The following HSPA4 variants were observed in gnomAD, a reference collection of about 807,000 sequenced individuals.
HSPA4 encodes the protein heat shock protein family A (Hsp70) member 4.
Under a neutral mutation model 106.2 loss-of-function variants are expected in HSPA4, and 25 were observed. The ratio of observed to expected loss-of-function variants is 0.24; its 90% CI spans 0.17 to 0.33. The LOEUF is 0.33. Among genes scored for constraint, HSPA4 ranks in the 10% least tolerant of loss-of-function variants. The pLI is 1.00. For missense variants in HSPA4, 841 were observed against 996.0 expected, an observed-to-expected ratio of 0.84 and a Z score of 2.10; for synonymous variants, 332 against 333.6, an observed-to-expected ratio of 1.00 and a Z score of 0.05.
At chr5:133,098,334 C>T (rs183600574) in intron 15 of HSPA4, among the ~76,000 whole-genome samples, 62 of 152,132 alleles carry the variant, frequency 4.1e-4, no homozygotes, top group Non-Finnish European at 7.5e-4. Context: ...ATTTTTGAGA[C>T]GGAGTCTCGC....
intron 16 of HSPA4, among the ~76,000 whole-genome samples, chr5:133,100,945 A>G (rs1306468419): frequency 6.6e-6 from 1 of 152,104 alleles, no homozygotes; most frequent in Non-Finnish European, 1.5e-5. Flanking sequence ...AGCTAGGACT[A>G]CAGCTGTGCG....
intron 7 of HSPA4, among the ~76,000 whole-genome samples, chr5:133,084,308 G>A (rs1561582277): frequency 2.0e-5 from 3 of 152,102 alleles, no homozygotes; most frequent in Admixed American, 1.3e-4. Flanking sequence ...GCCATTGTAG[G>A]TTTGTTGTTA....
intron 12 of HSPA4, among the ~76,000 whole-genome samples, chr5:133,091,788 G>A (rs1170552268): frequency 6.6e-6 from 1 of 152,172 alleles, no homozygotes; most frequent in African/African-American, 2.4e-5. Flanking sequence ...CACTTTGGGA[G>A]GCTGAGGCAG....
intron 7 of HSPA4, among the ~76,000 whole-genome samples, chr5:133,082,998 A>G (rs1765532958): frequency 1.3e-5 from 2 of 151,588 alleles, no homozygotes; most frequent in Admixed American, 1.3e-4. Flanking sequence ...AGCCGGGTGT[A>G]GTGGTGGGTG....
At chr5:133,061,085 A>G (rs1329682765) in intron 1 of HSPA4, among the ~76,000 whole-genome samples, 3 of 151,324 alleles carry the variant, frequency 2.0e-5, no homozygotes, top group Non-Finnish European at 4.4e-5. Flanking sequence ...TCATTAAACA[A>G]CAGTACTTTC....
At chr5:133,089,718 A>G (rs1765621240) in intron 11 of HSPA4, 23 bp downstream of exon 11, 2 of 1,488,082 alleles carry the variant, frequency 1.3e-6, no homozygotes, top group Non-Finnish European at 1.8e-6. Flanking sequence ...TTGGAAATTA[A>G]AAAAGAAAAA....
intron 15 of HSPA4, 74 bp from the exon 16 acceptor site, chr5:133,099,471 A>G (rs547866397): frequency 8.4e-6 from 6 of 718,340 alleles, no homozygotes; most frequent in Admixed American, 4.2e-5. Context: ...ATACATCATT[A>G]TATTCTATGC....
chr5:133,055,914 C>A (rs1232345266), intron 1 of HSPA4, among the ~76,000 whole-genome samples: 1 of 152,044 alleles, frequency 6.6e-6, no homozygotes, highest in Non-Finnish European at 1.5e-5. Context: ...CCTGTCTCTA[C>A]TAAAAATACA....
At chr5:133,082,669 T>C (rs987282059) in intron 7 of HSPA4, among the ~76,000 whole-genome samples, 2 of 152,078 alleles carry the variant, frequency 1.3e-5, no homozygotes, top group South Asian at 2.1e-4. Flanking sequence ...TTTTGCCATA[T>C]TGCTCAGGCT....
chr5:133,072,533 C>T (rs1344872550), intron 4 of HSPA4, among the ~76,000 whole-genome samples: 1 of 150,862 alleles, frequency 6.6e-6, no homozygotes, highest in Non-Finnish European at 1.5e-5. Context: ...GGATTACAGG[C>T]ATGTGCCACC....
At chr5:133,097,049 C>G in intron 14 of HSPA4, 112 bp from the exon 15 acceptor site, 1 of 774,836 alleles carries the variant, frequency 1.3e-6, no homozygotes, top group Non-Finnish European at 2.0e-6. Context: ...ATGTGACTTG[C>G]AGAACTAAAA....
chr5:133,078,355 C>G (rs887517224), intron 7 of HSPA4, among the ~76,000 whole-genome samples: 1 of 149,266 alleles, frequency 6.7e-6, no homozygotes, highest in Non-Finnish European at 1.5e-5. Flanking sequence ...AATAGTTGTA[C>G]TGTGATGGGG....
At chr5:133,070,699 C>T (rs1030163767) in intron 4 of HSPA4, among the ~76,000 whole-genome samples, 5 of 152,026 alleles carry the variant, frequency 3.3e-5, no homozygotes, top group African/African-American at 9.7e-5. Context: ...GTCAGGAGTT[C>T]GAGACCAGCC....
chr5:133,062,939 G>T (rs77328521), intron 1 of HSPA4, among the ~76,000 whole-genome samples: 2,377 of 152,262 alleles, frequency 0.016, 30 homozygotes, highest in Middle Eastern at 0.037. Context: ...AATTTAGTCA[G>T]ATTTGGACCA....
Position 133,092,806 on chromosome 5 carries a change from G to GTTTTT in HSPA4, c.1650+45_1650+49dup, listed in dbSNP as rs57230598. On this transcript the variant is annotated intron_variant, in intron 13 of 18. Coordinates refer to ENST00000304858, the MANE Select transcript of HSPA4 (RefSeq NM_002154.4). ...GAAATGGAGGTATGCATTGGGTGGT[G>GTTTTT]TTTTTTTTTTTTTTTTTTTTTTTTT... The GTTTTT allele has an allele frequency of 3.2e-4, 150 of 473,886 alleles. 2 individuals carry two copies. Among genetic ancestry groups the GTTTTT allele is most frequent in the African/African-American group, 2.4e-3 (67 of 28,142 alleles). 29.4% of individuals were successfully genotyped at this position (473,886 alleles called of 1,614,324 possible).
chr5:133,091,156 T>C, intron 11 of HSPA4, 37 bp from the exon 12 acceptor site: 1 of 1,513,424 alleles, frequency 6.6e-7, no homozygotes, highest in South Asian at 1.1e-5. Flanking sequence ...TTCATCCTCT[T>C]AGGTTATGTG....
rs1188933322 is a variant in HSPA4, at chr5:133,070,370, G to A, written c.307-4G>A. 3 of 1,606,300 alleles carry A rather than the reference G, an allele frequency of 1.9e-6. No homozygotes were observed. The African/African-American group carries it at 4.0e-5, about 22-fold the overall frequency. On this transcript the variant is annotated splice_polypyrimidine_tract_variant and splice_region_variant and intron_variant, in intron 3 of 18. Coordinates refer to ENST00000304858, the MANE Select transcript of HSPA4 (RefSeq NM_002154.4). ...GTCTAGGCCCCTTTGTTGTTTTCTT[G>A]CAGGTGACATATATGGAGGAAGAGC...
chr5:133,090,528 C>T (rs1027361821), intron 11 of HSPA4, among the ~76,000 whole-genome samples: 1 of 149,316 alleles, frequency 6.7e-6, no homozygotes, highest in Non-Finnish European at 1.5e-5. Context: ...ACCGTGTTAT[C>T]TAGAGTAGTT....
At chr5:133,056,863 A>T (rs1348798000) in intron 1 of HSPA4, among the ~76,000 whole-genome samples, 1 of 152,232 alleles carries the variant, frequency 6.6e-6, no homozygotes, top group South Asian at 2.1e-4. Flanking sequence ...TGAGAATTAT[A>T]ATGAGTTAAA....
Sources: gnomAD v4.1 joint callset for allele counts (sites outside exome capture counted in the v4.1 genomes callset) on GRCh38, gnomAD v4.1.1 for gene constraint, MANE v1.5 for transcripts, NCBI Gene and HGNC (gene_info 2026-07-23, HGNC 2026-07-21) for gene names.